The following SLC14A2 variants were observed in gnomAD, a reference collection of about 807,000 sequenced individuals.
The protein encoded by SLC14A2 is urea transporter 2.
In SLC14A2, 91 loss-of-function variants were observed where a neutral mutation model predicts 104.6. The ratio of observed to expected loss-of-function variants is 0.87; its 90% CI spans 0.73 to 1.04. The LOEUF (loss-of-function observed/expected upper bound fraction) is 1.04, where lower values mean the gene tolerates loss of function less well. SLC14A2 is among the 50% of genes least tolerant of loss of function. The pLI, the probability that SLC14A2 is intolerant of heterozygous loss-of-function variation, is 0.00. For synonymous variants in SLC14A2, 476 were observed against 466.4 expected (o/e 1.02, Z -0.27); for missense variants, 1,189 against 1,156.0 (o/e 1.03, Z -0.41).
chr18:45,181,857 A>G, the SLC14A2 span, among the ~76,000 whole-genome samples: 1 of 152,292 alleles, frequency 6.6e-6, no homozygotes, highest in East Asian at 1.9e-4. Flanking sequence ...ATTTGAATAT[A>G]ATAATGAGTT....
At chr18:45,293,843 T>C (rs1357116829) in intron 1 of SLC14A2, among the ~76,000 whole-genome samples, 2 of 152,206 alleles carry the variant, frequency 1.3e-5, no homozygotes, top group Non-Finnish European at 2.9e-5. Flanking sequence ...ACTTAAAAAA[T>C]GTATGGGGCC....
intron 1 of SLC14A2, among the ~76,000 whole-genome samples, chr18:45,389,594 A>G (rs1449219219): frequency 2.0e-5 from 3 of 152,246 alleles, no homozygotes; most frequent in African/African-American, 7.2e-5. Context: ...GTGACATTTT[A>G]GGAATTTTCT....
At chr18:45,596,084 G>C (rs541564750) in intron 2 of SLC14A2, among the ~76,000 whole-genome samples, 1 of 152,238 alleles carries the variant, frequency 6.6e-6, no homozygotes, top group Admixed American at 6.5e-5. Flanking sequence ...CCCTTCCTCT[G>C]TTCACAAGGC....
chr18:45,231,657 C>T (rs1472676778), intron 1 of SLC14A2, among the ~76,000 whole-genome samples: 3 of 152,174 alleles, frequency 2.0e-5, no homozygotes. Flanking sequence ...TCATGCCATC[C>T]ATTACATAGT....
chr18:45,215,967 T>C (rs1403596903), intron 1 of SLC14A2, among the ~76,000 whole-genome samples: 2 of 152,204 alleles, frequency 1.3e-5, no homozygotes, highest in East Asian at 1.9e-4. Context: ...GGGACACCTA[T>C]TGAGTACATA....
chr18:45,643,433 G>A (rs764377795), intron 9 of SLC14A2, among the ~76,000 whole-genome samples: 13 of 152,184 alleles, frequency 8.5e-5, no homozygotes, highest in Non-Finnish European at 1.8e-4. Context: ...AAAACACGAC[G>A]GACAGATGGA....
At chr18:45,537,835 G>A (rs1001723839) in intron 2 of SLC14A2, among the ~76,000 whole-genome samples, 11 of 152,210 alleles carry the variant, frequency 7.2e-5, no homozygotes, top group African/African-American at 2.7e-4. Context: ...TTGACCAGGA[G>A]TTGAGTTTTG....
rs111808478 is a variant in SLC14A2, at chr18:45,300,024, A to G, written c.-125+86833A>G. 5.3e-5 allele frequency among the ~76,000 whole-genome samples: 8 copies of G among 152,302 alleles called. 1 individual carries two copies. The highest frequency in any genetic ancestry group is 1.7e-4 in the African/African-American group (7 of 41,566). ...CTTAGGCATCTTGGGCAGCAAGAGA[A>G]GGAGCCTCTCAGACATCTTGATCAG... On this transcript the variant is annotated intron_variant, in intron 1 of 20. Transcript: ENST00000586448.
intron 5 of SLC14A2, among the ~76,000 whole-genome samples, chr18:45,636,566 G>T (rs2045419700): frequency 6.6e-6 from 1 of 152,152 alleles, no homozygotes; most frequent in African/African-American, 2.4e-5. Flanking sequence ...CTCCTAGAAG[G>T]TCAGTCTTCT....
intron 1 of SLC14A2, among the ~76,000 whole-genome samples, chr18:45,387,944 A>AG (rs2085916216): frequency 6.6e-6 from 1 of 151,710 alleles, no homozygotes; most frequent in Non-Finnish European, 1.5e-5. Context: ...ATGTGCAAAG[A>AG]GGTCATTTTT....
chr18:45,344,615 C>CAGAAAG lies in SLC14A2; in HGVS notation c.-125+131424_-125+131425insAGAAAG, dbSNP rs1568160464. Reference sequence around the variant, plus strand: ...AGGGGGAAGAAGCAAATCCCAGAAACGTTGTCAAAAGGTTGGAGTCAGTAA... The same window carrying CAGAAAG: ...AGGGGGAAGAAGCAAATCCCAGAAACAGAAAGGTTGTCAAAAGGTTGGAGTCAGTAA... On this transcript the variant is annotated intron_variant, in intron 1 of 20. Transcript: ENST00000586448. 1.8e-4 allele frequency among the ~76,000 whole-genome samples: 28 copies of CAGAAAG among 152,200 alleles called. No homozygotes were observed. The East Asian group carries it at 3.7e-3, about 20-fold the overall frequency.
At chr18:45,500,586 A>AAG (rs1462947902) in intron 2 of SLC14A2, among the ~76,000 whole-genome samples, 2 of 143,336 alleles carry the variant, frequency 1.4e-5, no homozygotes, top group East Asian at 3.9e-4. Context: ...CAAAAAAAAA[A>AAG]AAAAAAAAAA....
intron 2 of SLC14A2, among the ~76,000 whole-genome samples, chr18:45,491,364 C>T (rs1012013483): frequency 6.6e-6 from 1 of 152,070 alleles, no homozygotes; most frequent in Non-Finnish European, 1.5e-5. Context: ...ATATTTAAAA[C>T]ATATAAAACA....
At chr18:45,215,285 C>T (rs16978306) in intron 1 of SLC14A2, among the ~76,000 whole-genome samples, 3,480 of 152,260 alleles carry the variant, frequency 0.023, 146 homozygotes, top group African/African-American at 0.077. Flanking sequence ...TAGCCTTACA[C>T]GCCTGTCTTA....
intron 2 of SLC14A2, among the ~76,000 whole-genome samples, chr18:45,503,540 G>T (rs1407835618): frequency 3.9e-5 from 6 of 152,058 alleles, no homozygotes; most frequent in Non-Finnish European, 5.9e-5. Flanking sequence ...CAGGAATTTT[G>T]ACTACTCCAT....
upstream of SLC14A2, among the ~76,000 whole-genome samples, chr18:45,614,149 T>C (rs2045020977): frequency 6.6e-6 from 1 of 152,192 alleles, no homozygotes; most frequent in African/African-American, 2.4e-5. Flanking sequence ...CAGTGTACAG[T>C]TCAGGCCATT....
chr18:45,239,593 C>A (rs1175402121), intron 1 of SLC14A2, among the ~76,000 whole-genome samples: 1 of 152,168 alleles, frequency 6.6e-6, no homozygotes, highest in Non-Finnish European at 1.5e-5. Flanking sequence ...TGTTGTACAG[C>A]AACAGTAAAA....
chr18:45,329,035 T>C (rs1319955968), intron 1 of SLC14A2, among the ~76,000 whole-genome samples: 1 of 152,104 alleles, frequency 6.6e-6, no homozygotes, highest in Non-Finnish European at 1.5e-5. Flanking sequence ...TGGAGAAAAC[T>C]GTGAAATTTT....
intron 2 of SLC14A2, among the ~76,000 whole-genome samples, chr18:45,540,753 A>G (rs1198018155): frequency 6.6e-6 from 1 of 151,946 alleles, no homozygotes; most frequent in Non-Finnish European, 1.5e-5. Flanking sequence ...TCAAATTAAT[A>G]ACAATAATAA....
Sources: gnomAD v4.1 joint callset for allele counts (sites outside exome capture counted in the v4.1 genomes callset) on GRCh38, gnomAD v4.1.1 for gene constraint, MANE v1.5 for transcripts, NCBI Gene and HGNC (gene_info 2026-07-23, HGNC 2026-07-21) for gene names.